TRAF2: variants seen among roughly 807,000 people sequenced by gnomAD.
The protein encoded by TRAF2 is TNF receptor associated factor 2, also known as TNF receptor-associated factor 2.
In TRAF2, 6 loss-of-function variants were observed where a neutral mutation model predicts 55.6. That is an observed-to-expected ratio of 0.11 (90% CI 0.06 to 0.21). The LOEUF is 0.21. Ranked by LOEUF, TRAF2 falls within the 10% of genes least tolerant of loss-of-function variation. TRAF2 has a pLI of 1.00. For synonymous variants in TRAF2, 329 were observed against 276.3 expected (o/e 1.19, Z -1.89); for missense variants, 561 against 684.5 (o/e 0.82, Z 2.01).
chr9:136,906,585 T>C lies in TRAF2; in HGVS notation c.367-1485T>C, dbSNP rs569080481. ...GGATTATGGGAGTTGCAATTCAAGA[T>C]GAGATTTGGGTGGGGACACAGCCAA... On this transcript the variant is annotated intron_variant, in intron 4 of 10. Coordinates refer to ENST00000247668, the MANE Select transcript of TRAF2 (RefSeq NM_021138.4). 2.7e-4 allele frequency among the ~76,000 whole-genome samples: 41 copies of C among 152,104 alleles called. No homozygotes were observed. The South Asian group carries it at 7.5e-3, about 28-fold the overall frequency.
intron 1 of TRAF2, among the ~76,000 whole-genome samples, chr9:136,896,157 C>T (rs754318954): frequency 6.6e-6 from 1 of 152,212 alleles, no homozygotes. Context: ...GACTGCTTCC[C>T]TGCCAGAGAG....
chr9:136,888,488 C>G (rs890019127), intron 1 of TRAF2, among the ~76,000 whole-genome samples: 1 of 152,280 alleles, frequency 6.6e-6, no homozygotes, highest in East Asian at 1.9e-4. Flanking sequence ...TTGTATGAAG[C>G]AGTTGTGTGC....
In TRAF2 at chr9:136,890,108, A is replaced by G. The variant is rs542236460; in HGVS notation, c.-29+3567A>G. ...CCACCGCACGCTTGTTCAGCCGGTC[A>G]CCGCGTGTGAGTCCCCACTGCACGC... On this transcript the variant is annotated intron_variant, in intron 1 of 10. Coordinates refer to ENST00000247668, the MANE Select transcript of TRAF2 (RefSeq NM_021138.4). 1.5e-4 allele frequency among the ~76,000 whole-genome samples: 18 copies of G among 120,604 alleles called. 1 individual carries two copies. The South Asian group carries it at 5.0e-3, about 34-fold the overall frequency. 79.1% of individuals were successfully genotyped at this position (120,604 alleles called of 152,430 possible).
chr9:136,923,775 A>C, intron 9 of TRAF2, 77 bp from the exon 10 acceptor site: 1 of 1,495,548 alleles, frequency 6.7e-7, no homozygotes, highest in Non-Finnish European at 9.1e-7. Context: ...TCCCTGGGGG[A>C]GGGCAGCCAG....
chr9:136,922,604 G>C, intron 9 of TRAF2: 1 of 155,094 alleles, frequency 6.4e-6, no homozygotes, highest in Non-Finnish European at 1.4e-5. Flanking sequence ...TGGGGGCACG[G>C]TGGAGGACGA....
intron 6 of TRAF2, among the ~76,000 whole-genome samples, chr9:136,910,782 C>T (rs955072928): frequency 2.0e-5 from 3 of 152,234 alleles, no homozygotes; most frequent in African/African-American, 7.2e-5. Flanking sequence ...AAATATAGGT[C>T]ACAGCCCAAG....
intron 5 of TRAF2, among the ~76,000 whole-genome samples, chr9:136,909,318 G>T (rs1282712932): frequency 1.3e-5 from 2 of 150,514 alleles, no homozygotes; most frequent in Non-Finnish European, 3.0e-5. Context: ...CTTTGCCTTG[G>T]TGTATCTGAA....
At chr9:136,904,486 A>G (rs1315658219) in intron 4 of TRAF2, among the ~76,000 whole-genome samples, 1 of 152,068 alleles carries the variant, frequency 6.6e-6, no homozygotes, top group Non-Finnish European at 1.5e-5. Context: ...GCTCACTGCA[A>G]GCTCCACCTC....
intron 7 of TRAF2, 53 bp from the exon 8 acceptor site, chr9:136,920,181 G>C: frequency 1.3e-6 from 2 of 1,537,920 alleles, no homozygotes; most frequent in Non-Finnish European, 1.7e-6. Context: ...CCGTCCCCGG[G>C]TGGGAGCCGA....
chr9:136,883,016 A>G (rs1588410229), upstream of TRAF2, among the ~76,000 whole-genome samples: 2 of 152,276 alleles, frequency 1.3e-5, no homozygotes, highest in South Asian at 4.1e-4. Flanking sequence ...GATTACAGGC[A>G]CCTGCCATCA....
At chr9:136,897,080 CAG>C (rs917137149) in intron 1 of TRAF2, among the ~76,000 whole-genome samples, 3 of 152,206 alleles carry the variant, frequency 2.0e-5, no homozygotes, top group Non-Finnish European at 4.4e-5. Flanking sequence ...TCCCACACAA[CAG>C]GGGCTCCATG....
At chr9:136,898,440 G>C (rs113460753) in intron 1 of TRAF2, 20 of 269,560 alleles carry the variant, frequency 7.4e-5, no homozygotes, top group African/African-American at 4.1e-4. Context: ...CCGTGCGTCT[G>C]TGTCTCTTTG....
In TRAF2 at chr9:136,898,881, G is replaced by T. The variant is rs757984458; in HGVS notation, c.141G>T (p.Ala47=). ...ACGTCCTCCGCAGGCCCTTCCAGGCGCAGTGTGGCCACCGGTACTGCTCCT... is the reference window on the plus strand; with the variant it reads ...ACGTCCTCCGCAGGCCCTTCCAGGCTCAGTGTGGCCACCGGTACTGCTCCT... The part of the protein sequence containing the change: ...CRNVLRRPFQ[A]QCGHRYCSFC... Residue 47 remains alanine (A), a synonymous_variant, in exon 2 of 11, where the codon GCG becomes GCT. Coordinates refer to ENST00000247668, the MANE Select transcript of TRAF2 (RefSeq NM_021138.4). 1.9e-6 allele frequency: 3 copies of T among 1,612,676 alleles called. No homozygotes were observed. The East Asian group carries it at 6.7e-5, about 36-fold the overall frequency.
chr9:136,908,056 CCTT>C lies in TRAF2; in HGVS notation c.367-13_367-11del, dbSNP rs1394109194. 1 of 1,595,264 alleles carries C rather than the reference CCTT, an allele frequency of 6.3e-7. No homozygotes were observed. The highest frequency in any genetic ancestry group is 8.5e-7 in the Non-Finnish European group (1 of 1,175,550). ...CACGCGAGTTCTACTGACGCTTCCT[CCTT>C]TCGTTGCTAGAGCTGCCACGAAGGC... On this transcript the variant is annotated splice_polypyrimidine_tract_variant and intron_variant, in intron 4 of 10. Transcript: ENST00000247668.
Position 136,923,932 on chromosome 9 carries a change from C to G in TRAF2, c.1219C>G (p.Leu407Val). Residue 407 changes from leucine (L) to valine (V), a missense_variant, in exon 10 of 11, where the codon CTG becomes GTG. Physicochemically the swap from Leu to Val is conservative, Grantham distance 32. Transcript: ENST00000247668. ...NGDGTGRGTH[L>V]SLFFVVMKGP... ...CGACGGCACCGGGCGAGGAACACACCTGTCCCTCTTCTTTGTGGTGATGAA... is the reference window on the plus strand; with the variant it reads ...CGACGGCACCGGGCGAGGAACACACGTGTCCCTCTTCTTTGTGGTGATGAA... The G allele has an allele frequency of 2.5e-6, 4 of 1,614,078 alleles. No homozygotes were observed. Among genetic ancestry groups the G allele is most frequent in the South Asian group, 1.1e-5 (1 of 91,082 alleles).
chr9:136,911,225 G>A (rs1286451433), intron 6 of TRAF2, among the ~76,000 whole-genome samples: 1 of 152,002 alleles, frequency 6.6e-6, no homozygotes, highest in Non-Finnish European at 1.5e-5. Flanking sequence ...TGTGAACACG[G>A]GGCTTTCTCT....
intron 6 of TRAF2, among the ~76,000 whole-genome samples, chr9:136,915,221 C>A (rs1486122714): frequency 6.6e-6 from 1 of 152,066 alleles, no homozygotes; most frequent in Non-Finnish European, 1.5e-5. Context: ...TACATGGCAC[C>A]AAAGCGAAAA....
At chr9:136,916,092 A>G (rs1216527342) in intron 6 of TRAF2, among the ~76,000 whole-genome samples, 1 of 151,970 alleles carries the variant, frequency 6.6e-6, no homozygotes, top group African/African-American at 2.4e-5. Context: ...GTTGTATGTG[A>G]GTGTCTGTGT....
chr9:136,912,151 CCTTTTTT>C (rs1850127732), intron 6 of TRAF2, among the ~76,000 whole-genome samples: 4 of 115,480 alleles, frequency 3.5e-5, no homozygotes, highest in East Asian at 2.7e-4. Context: ...TGCGTCTGGC[CCTTTTTT>C]TTTTTTTTTT....
Sources: gnomAD v4.1 joint callset for allele counts (sites outside exome capture counted in the v4.1 genomes callset) on GRCh38, gnomAD v4.1.1 for gene constraint, MANE v1.5 for transcripts, NCBI Gene and HGNC (gene_info 2026-07-23, HGNC 2026-07-21) for gene names.